Variants in DACH2 observed in about 807,000 individuals in gnomAD.
DACH2 encodes dachshund family transcription factor 2.
A neutral mutation model predicts 35.8 loss-of-function variants in DACH2; 17 were observed. That is an observed-to-expected ratio of 0.48 (90% confidence interval 0.33 to 0.71). DACH2 has a LOEUF of 0.71. DACH2 is among the 30% of genes least tolerant of loss of function. The probability of loss-of-function intolerance (pLI) is 0.02; values close to 1 mark genes in which losing one functional copy is unlikely to be tolerated. For synonymous variants in DACH2, 195 were observed against 177.3 expected (o/e 1.10, Z -0.79); for missense variants, 469 against 472.7 (o/e 0.99, Z 0.07).
At chrX:86,724,859 G>A (rs991533804) in intron 6 of DACH2, among the ~76,000 whole-genome samples, 2 of 110,438 alleles carry the variant, frequency 1.8e-5, no homozygotes, top group Non-Finnish European at 3.8e-5. Context: ...TTCAAAATGT[G>A]CTCTAGTCTT....
chrX:86,669,322 T>C (rs73247210), intron 4 of DACH2, among the ~76,000 whole-genome samples: 8,123 of 111,388 alleles, frequency 0.073, 504 homozygotes, highest in Admixed American at 0.28. Flanking sequence ...TCTAATAGTA[T>C]ATGATTATCA....
At chrX:86,320,611 G>A (rs747924899) in intron 1 of DACH2, among the ~76,000 whole-genome samples, 11 of 112,322 alleles carry the variant, frequency 9.8e-5, no homozygotes, top group African/African-American at 2.3e-4. Context: ...AAGTTATTCC[G>A]CATGGTTAAC....
intron 5 of DACH2, among the ~76,000 whole-genome samples, chrX:86,697,468 A>G (rs1477324064): frequency 9.0e-6 from 1 of 111,408 alleles, no homozygotes; most frequent in South Asian, 3.8e-4. Flanking sequence ...CTGGCTTTAA[A>G]CGAAAAAAAA....
chrX:86,527,057 G>A (rs1189686220), intron 3 of DACH2, among the ~76,000 whole-genome samples: 2 of 110,837 alleles, frequency 1.8e-5, no homozygotes, highest in Non-Finnish European at 3.8e-5. Context: ...ATATTAAATT[G>A]AGGTGAGGGT....
intron 2 of DACH2, among the ~76,000 whole-genome samples, chrX:86,512,256 G>A (rs990532530): frequency 1.8e-5 from 2 of 110,342 alleles, no homozygotes; most frequent in South Asian, 7.7e-4. Flanking sequence ...TATAACATGG[G>A]GAATAGATAG....
chrX:86,381,555 ACT>A (rs1253355313), intron 2 of DACH2, among the ~76,000 whole-genome samples: 1 of 110,789 alleles, frequency 9.0e-6, no homozygotes, highest in Non-Finnish European at 1.9e-5. Flanking sequence ...CATGGACTTA[ACT>A]CTGCACATAA....
chrX:86,403,440 A>T (rs959955999), intron 2 of DACH2, among the ~76,000 whole-genome samples: 1 of 112,214 alleles, frequency 8.9e-6, no homozygotes, highest in Non-Finnish European at 1.9e-5. Context: ...ATCACTAATC[A>T]TCAGAGAAGT....
At chrX:86,205,431 CTCCTCCCTCCCT>C (rs2032263203) in intron 1 of DACH2, among the ~76,000 whole-genome samples, 1 of 29,019 alleles carries the variant, frequency 3.4e-5, no homozygotes, top group African/African-American at 1.9e-4. Flanking sequence ...CCTTCCCTCC[CTCCTCCCTCCCT>C]CCCTCCCTCC....
chrX:86,295,483 C>G (rs986505102), intron 1 of DACH2, among the ~76,000 whole-genome samples: 1 of 111,717 alleles, frequency 9.0e-6, no homozygotes, highest in Non-Finnish European at 1.9e-5. Flanking sequence ...TTTAACACTT[C>G]GGCTTGCTCA....
chrX:86,572,673 C>T (rs1443312867), intron 3 of DACH2, among the ~76,000 whole-genome samples: 1 of 111,256 alleles, frequency 9.0e-6, no homozygotes, highest in African/African-American at 3.3e-5. Context: ...TTGTAGATGC[C>T]CATTTTCAGA....
chrX:86,394,903 T>G (rs1202159290), intron 2 of DACH2, among the ~76,000 whole-genome samples: 1 of 111,895 alleles, frequency 8.9e-6, no homozygotes, highest in Non-Finnish European at 1.9e-5. Flanking sequence ...ACAATTTACT[T>G]TGATTCATCA....
rs761452210 is a variant in DACH2, at chrX:86,482,582, T to G, written c.528-31697T>G. On this transcript the variant is annotated intron_variant, in intron 2 of 11. Coordinates refer to ENST00000373125, the MANE Select transcript of DACH2 (RefSeq NM_053281.3). Reference sequence around the variant, plus strand: ...TGGGATGGCTGGGTCAAATGGTATTTCTAGTTCTAGATCCCTGAGGAATCG... The same window carrying G: ...TGGGATGGCTGGGTCAAATGGTATTGCTAGTTCTAGATCCCTGAGGAATCG... Among the ~76,000 whole-genome samples the G allele has an allele frequency of 3.9e-3, 425 of 108,622 alleles. 1 individual carries two copies. Among genetic ancestry groups the G allele is most frequent in the African/African-American group, 0.013 (392 of 29,616 alleles). The allele number at this position is 108,622 out of a possible 115,157, so 94.3% of individuals were successfully genotyped here.
intron 2 of DACH2, among the ~76,000 whole-genome samples, chrX:86,402,050 C>T (rs773478326): frequency 2.7e-5 from 3 of 111,561 alleles, no homozygotes; most frequent in Non-Finnish European, 3.8e-5. Context: ...ATAAAAGTGC[C>T]GTCTATGACA....
At chrX:86,793,893 A>T (rs1377906153) in intron 7 of DACH2, among the ~76,000 whole-genome samples, 1 of 112,201 alleles carries the variant, frequency 8.9e-6, no homozygotes, top group Non-Finnish European at 1.9e-5. Flanking sequence ...TGGAAGTCTG[A>T]TTATTCATTG....
intron 1 of DACH2, among the ~76,000 whole-genome samples, chrX:86,237,399 T>G (rs1227795190): frequency 8.9e-6 from 1 of 112,199 alleles, no homozygotes; most frequent in Non-Finnish European, 1.9e-5. Flanking sequence ...TGTGTTATAC[T>G]TTTTATAGGA....
intron 2 of DACH2, among the ~76,000 whole-genome samples, chrX:86,415,556 C>T (rs1259670895): frequency 8.9e-6 from 1 of 111,898 alleles, no homozygotes; most frequent in African/African-American, 3.2e-5. Context: ...GATTATCTTG[C>T]CTTGGTGTAG....
chrX:86,511,947 T>C (rs1339212093), intron 2 of DACH2, among the ~76,000 whole-genome samples: 3 of 112,286 alleles, frequency 2.7e-5, no homozygotes, highest in African/African-American at 9.7e-5. Context: ...ACTGGCTCTC[T>C]GTTCTTGTGA....
rs999464477 is a variant in DACH2 at position 86,322,954 on chromosome X, A to G, written c.489-53870A>G. On this transcript the variant is annotated intron_variant, in intron 1 of 11. Transcript: ENST00000373125. ...GAGGACATTTTTCTCCTCACTGCTG[A>G]AAGCAGAGTTCTCCTGTTCACAGAT... Among the ~76,000 whole-genome samples, 6 of 112,341 alleles carry G rather than the reference A, an allele frequency of 5.3e-5. No individual in the cohort carries two copies. The South Asian group carries it at 2.2e-3, about 42-fold the overall frequency.
At chrX:86,619,460 C>A (rs1349586600) in intron 3 of DACH2, among the ~76,000 whole-genome samples, 1 of 111,896 alleles carries the variant, frequency 8.9e-6, no homozygotes, top group African/African-American at 3.2e-5. Context: ...GCGGATATAG[C>A]AGAAATGATT....
Sources: gnomAD v4.1 joint callset for allele counts (sites outside exome capture counted in the v4.1 genomes callset) on GRCh38, gnomAD v4.1.1 for gene constraint, MANE v1.5 for transcripts, NCBI Gene and HGNC (gene_info 2026-07-23, HGNC 2026-07-21) for gene names.